MICAL2: variants seen among roughly 807,000 people sequenced by gnomAD.
MICAL2 encodes microtubule associated monooxygenase, calponin and LIM domain containing 2.
In MICAL2, 77 loss-of-function variants were observed where a neutral mutation model predicts 127.3. The ratio of observed to expected loss-of-function variants is 0.60; its 90% CI spans 0.50 to 0.73. The LOEUF (loss-of-function observed/expected upper bound fraction) is 0.73, where lower values mean the gene tolerates loss of function less well. Among genes scored for constraint, MICAL2 ranks in the 30% least tolerant of loss-of-function variants. MICAL2 has a pLI of 0.00. For missense variants in MICAL2, 1,351 were observed against 1,434.4 expected (o/e 0.94, Z 0.94); for synonymous variants, 570 against 551.1 (o/e 1.03, Z -0.48).
intron 3 of MICAL2, among the ~76,000 whole-genome samples, chr11:12,189,401 G>C (rs1858771516): frequency 6.6e-6 from 1 of 152,030 alleles, no homozygotes; most frequent in Non-Finnish European, 1.5e-5. Context: ...ATGATGCCTA[G>C]AAAATAGCTG....
chr11:12,321,417 C>T (rs749746113), intron 30 of MICAL2, among the ~76,000 whole-genome samples: 15 of 152,128 alleles, frequency 9.9e-5, no homozygotes, highest in Non-Finnish European at 1.2e-4. Flanking sequence ...GCACAGGAAA[C>T]GAGGCAGGAT....
chr11:12,356,707 C>A (rs1249599853), intron 34 of MICAL2, among the ~76,000 whole-genome samples: 1 of 152,224 alleles, frequency 6.6e-6, no homozygotes, highest in African/African-American at 2.4e-5. Context: ...TGTGGGGTCA[C>A]TCTGCCCCAT....
rs758250016 is a variant in MICAL2, at chr11:12,227,089, T to G, written c.1953T>G (p.Asn651Lys). ...DLSLAKSSIS[N>K]NYLNLTFPRK... is the part of the protein sequence containing the mutation. ...GCTTGGCCAAATCATCCATTTCTAA[T>G]AACTATCTCAACCTCACATTTCCAA... is the stretch of plus-strand genomic sequence containing the variant. Residue 651 changes from asparagine (N) to lysine (K), a missense_variant, in exon 15 of 28, where the codon AAT becomes AAG. By Grantham distance (94) the Asn-to-Lys change is moderately conservative (BLOSUM62 0). This residue lies in a region of MICAL2 where 752 missense variants were observed against 719.4 expected (regional missense o/e 1.05). Transcript: ENST00000683283. 1.9e-6 allele frequency: 3 copies of G among 1,614,130 alleles called. No homozygotes were observed. The highest frequency in any genetic ancestry group is 2.5e-6 in the Non-Finnish European group (3 of 1,179,980).
chr11:12,248,268 C>T (rs892283883), intron 21 of MICAL2, among the ~76,000 whole-genome samples: 1 of 152,152 alleles, frequency 6.6e-6, no homozygotes, highest in African/African-American at 2.4e-5. Context: ...ACGGGGGGCT[C>T]AGATCCTTGG....
At chr11:12,292,203 C>T (rs1486434504), downstream of MICAL2, 7 of 1,613,958 alleles carry the variant, frequency 4.3e-6, no homozygotes, top group Admixed American at 3.3e-5. Flanking sequence ...CCTTCTCTTC[C>T]TCTTCCTTCA....
At chr11:12,203,134 G>A (rs185042489) in intron 3 of MICAL2, among the ~76,000 whole-genome samples, 11 of 152,228 alleles carry the variant, frequency 7.2e-5, no homozygotes, top group African/African-American at 2.2e-4. Flanking sequence ...TCCATTGTGC[G>A]GATATACCAC....
chr11:12,179,096 G>T (rs1446448104), intron 3 of MICAL2, among the ~76,000 whole-genome samples: 1 of 152,068 alleles, frequency 6.6e-6, no homozygotes, highest in Non-Finnish European at 1.5e-5. Context: ...GATTGTGACT[G>T]CCCAAATTCA....
At chr11:12,339,667 T>G (rs1033621363) in intron 32 of MICAL2, among the ~76,000 whole-genome samples, 2 of 152,212 alleles carry the variant, frequency 1.3e-5, no homozygotes, top group Non-Finnish European at 2.9e-5. Context: ...CTTCTAACAG[T>G]CAGGACCCTC....
At chr11:12,323,112 C>T (rs1565305114) in intron 30 of MICAL2, among the ~76,000 whole-genome samples, 1 of 152,158 alleles carries the variant, frequency 6.6e-6, no homozygotes, top group South Asian at 2.1e-4. Flanking sequence ...CTGAACTTTC[C>T]AGTATGTGGA....
chr11:12,200,048 G>A (rs1312896938), intron 3 of MICAL2, among the ~76,000 whole-genome samples: 1 of 152,168 alleles, frequency 6.6e-6, no homozygotes, highest in African/African-American at 2.4e-5. Context: ...GAACTGGATG[G>A]GTGGAGAGGG....
At chr11:12,314,793 T>C (rs1031992724) in intron 29 of MICAL2, among the ~76,000 whole-genome samples, 3 of 152,014 alleles carry the variant, frequency 2.0e-5, no homozygotes, top group African/African-American at 4.8e-5. Flanking sequence ...GCCAGAAAAC[T>C]TTAAACTCCA....
rs1939162500 is a variant in MICAL2, at chr11:12,358,457, G to T, written c.5852G>T (p.Gly1951Val). ...TTTGAAAGCTTCGTATTCTCCAGAGGCTGTCAGCTGAGCAGGACTTGAGGA... is the reference window on the plus strand; with the variant it reads ...TTTGAAAGCTTCGTATTCTCCAGAGTCTGTCAGCTGAGCAGGACTTGAGGA... The change falls in exon 35 of 35, where the codon GGC (glycine) becomes GTC (valine). Residue 1951 changes from glycine (G) to valine (V), a missense_variant. Gly to Val is a moderately radical substitution (Grantham distance 109, BLOSUM62 -3). Coordinates refer to the MICAL2 transcript ENST00000646065. 3.7e-6 allele frequency: 6 copies of T among 1,614,018 alleles called. No homozygotes were observed. In the Admixed American group the frequency reaches 6.7e-5, roughly 18 times the overall value.
chr11:12,306,640 G>A lies in MICAL2; in HGVS notation c.5212+11783G>A, dbSNP rs79111920. 4.6e-5 allele frequency among the ~76,000 whole-genome samples: 7 copies of A among 152,140 alleles called. No individual in the cohort carries two copies. The South Asian group carries it at 1.5e-3, about 32-fold the overall frequency. ...TCCCTTTTCCATATTCCCAGTCCCT[G>A]GAAAACACTGATTTGTTTTCTGTCT... is the stretch of plus-strand genomic sequence containing the variant. On this transcript the variant is annotated intron_variant, in intron 29 of 34. Coordinates refer to the MICAL2 transcript ENST00000646065.
At chr11:12,173,079 A>C (rs1415415635) in intron 3 of MICAL2, among the ~76,000 whole-genome samples, 2 of 150,086 alleles carry the variant, frequency 1.3e-5, no homozygotes, top group African/African-American at 2.5e-5. Flanking sequence ...TACTCATTTC[A>C]AACTTCTATG....
downstream of MICAL2, chr11:12,359,286 A>G (rs1665708738): frequency 6.6e-6 from 1 of 151,590 alleles, no homozygotes; most frequent in South Asian, 2.1e-4. Context: ...AAGCATTTTC[A>G]GAAAATGAAT....
chr11:12,155,607 CAT>C (rs1251403827), intron 2 of MICAL2, among the ~76,000 whole-genome samples: 1 of 152,150 alleles, frequency 6.6e-6, no homozygotes, highest in Non-Finnish European at 1.5e-5. Context: ...ACATGGCAAA[CAT>C]AGTTGTGTTA....
chr11:12,184,341 A>C (rs1207061195), intron 3 of MICAL2, among the ~76,000 whole-genome samples: 1 of 152,200 alleles, frequency 6.6e-6, no homozygotes, highest in Non-Finnish European at 1.5e-5. Context: ...CTCCCTGTTC[A>C]CCATTCTCCT....
At chr11:12,271,074 G>A (rs545142988) in intron 24 of MICAL2, among the ~76,000 whole-genome samples, 11 of 152,274 alleles carry the variant, frequency 7.2e-5, no homozygotes, top group African/African-American at 2.4e-4. Context: ...CAGGCTCATA[G>A]GTAGGCCTTG....
chr11:12,306,678 C>T (rs1476686732), intron 29 of MICAL2, among the ~76,000 whole-genome samples: 2 of 152,168 alleles, frequency 1.3e-5, no homozygotes, highest in Non-Finnish European at 2.9e-5. Flanking sequence ...ATAGTGTCGC[C>T]TTTCCTAGAA....
Sources: gnomAD v4.1 joint callset for allele counts (sites outside exome capture counted in the v4.1 genomes callset) on GRCh38, gnomAD v4.1.1 for gene constraint, gnomAD v4.1.1 regional missense constraint, MANE v1.5 for transcripts, NCBI Gene and HGNC (gene_info 2026-07-23, HGNC 2026-07-21) for gene names.